STIL: variants seen among roughly 807,000 people sequenced by gnomAD.
STIL encodes the protein SCL-interrupting locus protein.
A neutral mutation model predicts 110.1 loss-of-function variants in STIL; 55 were observed. The observed-to-expected ratio is 0.50, with a 90% CI of 0.40 to 0.63. The LOEUF (loss-of-function observed/expected upper bound fraction) is 0.63. Ranked by LOEUF, STIL falls within the 20% of genes least tolerant of loss-of-function variation. The probability of loss-of-function intolerance (pLI) is 0.00; values close to 1 mark genes in which losing one functional copy is unlikely to be tolerated. For synonymous variants in STIL, 481 were observed against 530.0 expected, an observed-to-expected ratio of 0.91 and a Z score of 1.27; for missense variants, 1,358 against 1,530.0, an observed-to-expected ratio of 0.89 and a Z score of 1.87.
In STIL at chr1:47,260,544, CA is replaced by C; in HGVS notation, c.2830-6del. The stretch of plus-strand genomic sequence containing the variant: ...TAATAGGTGGTTTACTTGACCCTGA[CA>C]AAAAGAAAAAAAATTTTTTTGAAAA... On this transcript the variant is annotated splice_region_variant and splice_polypyrimidine_tract_variant and intron_variant, in intron 15 of 16. Coordinates refer to ENST00000371877, the MANE Select transcript of STIL (RefSeq NM_001048166.1). 2 of 1,613,612 alleles carry C rather than the reference CA, an allele frequency of 1.2e-6. No individual in the cohort carries two copies. The highest frequency in any genetic ancestry group is 1.7e-6 in the Non-Finnish European group (2 of 1,179,852).
intron 14 of STIL, among the ~76,000 whole-genome samples, 162 bp from the exon 15 acceptor site, chr1:47,263,278 G>A (rs927137712): frequency 5.3e-5 from 8 of 152,202 alleles, no homozygotes; most frequent in Admixed American, 3.9e-4. Flanking sequence ...CAGGTGCAGT[G>A]GCTCATGCCT....
Position 47,280,497 on chromosome 1 carries a change from T to A in STIL, c.1961A>T (p.Asn654Ile), listed in dbSNP as rs1645126242. 3.7e-6 allele frequency: 6 copies of A among 1,614,238 alleles called. No homozygotes were observed. The highest frequency in any genetic ancestry group is 5.1e-6 in the Non-Finnish European group (6 of 1,180,046). ...HPSGCPALYC[N>I]AFCSSSSPIA... ...AGGACTACTTGAAGAACAGAATGCA[T>A]TACAGTACAGGGCTGGACATCCACT... Residue 654 changes from asparagine (N) to isoleucine (I), a missense_variant, in exon 12 of 17, where the codon AAT (asparagine) becomes ATT (isoleucine). Coordinates refer to ENST00000371877, the MANE Select transcript of STIL (RefSeq NM_001048166.1).
upstream of STIL, chr1:47,314,252 A>C (rs1395508592): frequency 2.0e-5 from 3 of 152,246 alleles, no homozygotes; most frequent in Non-Finnish European, 4.4e-5. Flanking sequence ...AGAGCCGCGC[A>C]CGGTCGCCGT....
At position 47,265,257 on chromosome 1, in the gene STIL, A is replaced by AAAAAAAAAAAAAG. The variant is rs1557714156; in HGVS notation, c.2616-2142_2616-2141insCTTTTTTTTTTTT. On this transcript the variant is annotated intron_variant, in intron 14 of 16. Coordinates refer to ENST00000371877, the MANE Select transcript of STIL (RefSeq NM_001048166.1). ...TCTCCCAAAAAAAAAAAAAAAAAAA[A>AAAAAAAAAAAAAG]AAACACAAGATTGGATATTTTTTAA... Among the ~76,000 whole-genome samples the AAAAAAAAAAAAAG allele has an allele frequency of 1.1e-4, 16 of 150,864 alleles. No homozygotes were observed. The East Asian group carries it at 2.6e-3, about 24-fold the overall frequency.
At chr1:47,268,230 T>G (rs1644711560) in intron 14 of STIL, among the ~76,000 whole-genome samples, 2 of 152,012 alleles carry the variant, frequency 1.3e-5, no homozygotes, top group African/African-American at 4.8e-5. Context: ...GCGGATCACC[T>G]CAGGTGAGGA....
chr1:47,282,816 A>G (rs1481067842), intron 10 of STIL: 3 of 239,794 alleles, frequency 1.3e-5, no homozygotes, highest in Admixed American at 1.0e-4. Context: ...ATTAAAGGTT[A>G]TTAAACACAC....
At chr1:47,292,029 GTT>G (rs57716078) in intron 8 of STIL, among the ~76,000 whole-genome samples, 2 of 138,012 alleles carry the variant, frequency 1.4e-5, no homozygotes, top group Non-Finnish European at 1.6e-5. Context: ...CTTGTTTTTT[GTT>G]TTTTTTTTTT....
intron 14 of STIL, among the ~76,000 whole-genome samples, chr1:47,268,351 C>T (rs1222962369): frequency 6.6e-6 from 1 of 152,118 alleles, no homozygotes; most frequent in African/African-American, 2.4e-5. Context: ...GAGGCTGAGG[C>T]TCAAGAATGC....
intron 10 of STIL, among the ~76,000 whole-genome samples, chr1:47,284,365 A>G (rs1226941549): frequency 6.6e-6 from 1 of 152,144 alleles, no homozygotes; most frequent in African/African-American, 2.4e-5. Context: ...TTTTAACATC[A>G]CTTTTTTTGA....
At chr1:47,313,303 C>G (rs1445003396) in intron 1 of STIL, 1 of 151,700 alleles carries the variant, frequency 6.6e-6, no homozygotes, top group Non-Finnish European at 1.5e-5. Flanking sequence ...CAGCCTGGGC[C>G]AAAGAGTGAA....
intron 8 of STIL, among the ~76,000 whole-genome samples, chr1:47,290,546 A>G (rs894849073): frequency 6.6e-6 from 1 of 152,134 alleles, no homozygotes; most frequent in Non-Finnish European, 1.5e-5. Context: ...TACTAAAAAT[A>G]CAAAACATCA....
intron 14 of STIL, among the ~76,000 whole-genome samples, chr1:47,265,241 A>AAAAAAAC (rs1644605571): frequency 6.8e-6 from 1 of 147,370 alleles, no homozygotes; most frequent in Non-Finnish European, 1.5e-5. Flanking sequence ...ATCTCCCAAA[A>AAAAAAAC]AAAAAAAAAA....
At chr1:47,260,571 A>G (rs752010409) in intron 15 of STIL, 32 bp from the exon 16 acceptor site, 1 of 1,607,862 alleles carries the variant, frequency 6.2e-7, no homozygotes, top group Non-Finnish European at 8.5e-7. Flanking sequence ...TTTTTGAAAA[A>G]TCACTATTAA....
chr1:47,284,840 A>C (rs1645248389), intron 10 of STIL, among the ~76,000 whole-genome samples: 1 of 151,818 alleles, frequency 6.6e-6, no homozygotes, highest in African/African-American at 2.4e-5. Context: ...CAGTGAGCTG[A>C]GATCACACCA....
At chr1:47,302,577 A>T (rs1645837170) in intron 3 of STIL, among the ~76,000 whole-genome samples, 1 of 152,206 alleles carries the variant, frequency 6.6e-6, no homozygotes, top group Non-Finnish European at 1.5e-5. Flanking sequence ...TGTTAACTTT[A>T]TGAACCTCAG....
rs140448154 is a variant in STIL, at chr1:47,280,441, T to C, written c.2017A>G (p.Ser673Gly). Residue 673 changes from serine to glycine, a missense_variant, in exon 12 of 17, where the codon AGT (serine) becomes GGT (glycine). Physicochemically the swap from Ser to Gly is moderately conservative, Grantham distance 56 (BLOSUM62 0). Transcript: ENST00000371877. ...TCAATATTGCTGTGGGGAGAACAAC[T>C]GCCCATATCTCCCTGAGGTCTCAAG... Reference protein sequence around the residue: ...IALRPQGDMGSCSPHSNIEPS... With the variant: ...IALRPQGDMGGCSPHSNIEPS... 3,425 of 1,614,220 alleles carry C rather than the reference T, an allele frequency of 2.1e-3. 49 individuals carry two copies. The African/African-American group carries it at 0.039, about 18-fold the overall frequency.
chr1:47,306,584 A>C (rs531110085), intron 2 of STIL, among the ~76,000 whole-genome samples: 1 of 152,216 alleles, frequency 6.6e-6, no homozygotes, highest in Non-Finnish European at 1.5e-5. Context: ...TGATTTCCAG[A>C]TAATTGTTAG....
At chr1:47,269,543 T>C (rs1644757161) in intron 14 of STIL, 92 bp downstream of exon 14, 4 of 896,730 alleles carry the variant, frequency 4.5e-6, no homozygotes, top group African/African-American at 1.7e-5. Context: ...CATCTAAACA[T>C]TGTGCCCCAC....
At chr1:47,313,344 AT>A (rs35527174) in intron 1 of STIL, among the ~76,000 whole-genome samples, 148,445 of 152,094 alleles carry the variant, frequency 0.98, 72,541 homozygotes, top group Non-Finnish European at 1. Flanking sequence ...ATAAAAATAA[AT>A]TTTTTTTAAA....
Sources: gnomAD v4.1 joint callset for allele counts (sites outside exome capture counted in the v4.1 genomes callset) on GRCh38, gnomAD v4.1.1 for gene constraint, MANE v1.5 for transcripts, NCBI Gene and HGNC (gene_info 2026-07-23, HGNC 2026-07-21) for gene names.